DOCK2: variants seen among roughly 807,000 people sequenced by gnomAD.
DOCK2 encodes the protein dedicator of cytokinesis 2.
A neutral mutation model predicts 248.9 loss-of-function variants in DOCK2; 87 were observed. The observed-to-expected ratio is 0.35, with a 90% CI of 0.29 to 0.42. DOCK2 has a LOEUF of 0.42. Ranked by LOEUF, DOCK2 falls within the 10% of genes least tolerant of loss-of-function variation. The pLI, the probability that DOCK2 is intolerant of heterozygous loss-of-function variation, is 1.00. For synonymous variants in DOCK2, 805 were observed against 821.6 expected (o/e 0.98, Z 0.35); for missense variants, 1,747 against 2,300.2 (o/e 0.76, Z 4.92).
intron 27 of DOCK2, among the ~76,000 whole-genome samples, chr5:169,850,042 G>A (rs1326173238): frequency 6.6e-6 from 1 of 152,190 alleles, no homozygotes; most frequent in African/African-American, 2.4e-5. Flanking sequence ...ATTAGATGCC[G>A]AGAGTAAGGG....
At chr5:169,865,790 T>C (rs905904123) in intron 27 of DOCK2, among the ~76,000 whole-genome samples, 1 of 152,168 alleles carries the variant, frequency 6.6e-6, no homozygotes, top group Non-Finnish European at 1.5e-5. Context: ...AGACCCCATG[T>C]TGGTTTATGA....
chr5:170,057,535 T>G, intron 43 of DOCK2, 45 bp from the exon 44 acceptor site: 2 of 1,561,484 alleles, frequency 1.3e-6, no homozygotes, highest in African/African-American at 1.4e-5. Flanking sequence ...TTCATAAATG[T>G]GTTTGTTGCT....
chr5:169,696,852 C>T (rs922129009), intron 10 of DOCK2, among the ~76,000 whole-genome samples: 2 of 150,732 alleles, frequency 1.3e-5, no homozygotes, highest in Non-Finnish European at 2.9e-5. Flanking sequence ...CCTGGCACTG[C>T]GGCTAGCTAG....
chr5:169,906,294 TG>T (rs967394696), intron 27 of DOCK2, among the ~76,000 whole-genome samples: 1 of 152,146 alleles, frequency 6.6e-6, no homozygotes, highest in African/African-American at 2.4e-5. Context: ...ATCATAGTAC[TG>T]ACTACTGATT....
chr5:169,997,100 A>C (rs1490921669), intron 30 of DOCK2, among the ~76,000 whole-genome samples: 1 of 151,418 alleles, frequency 6.6e-6, no homozygotes, highest in Non-Finnish European at 1.5e-5. Context: ...GGGTCACAAG[A>C]CAATTGTGGG....
At chr5:169,814,095 A>T (rs1767917632) in intron 26 of DOCK2, among the ~76,000 whole-genome samples, 1 of 152,240 alleles carries the variant, frequency 6.6e-6, no homozygotes, top group African/African-American at 2.4e-5. Context: ...GGATATTTGC[A>T]TAATCTCAAA....
At chr5:169,722,833 T>C (rs540478890) in intron 22 of DOCK2, among the ~76,000 whole-genome samples, 8 of 152,226 alleles carry the variant, frequency 5.3e-5, no homozygotes, top group South Asian at 4.1e-4. Context: ...AAATTTGACT[T>C]ACTACTCATA....
intron 30 of DOCK2, chr5:169,999,934 A>G (rs1223013522): frequency 1.3e-5 from 2 of 152,184 alleles, no homozygotes; most frequent in African/African-American, 4.8e-5. Context: ...AAGGGCAGAA[A>G]GTAAGAAGCT....
intron 27 of DOCK2, among the ~76,000 whole-genome samples, chr5:169,932,524 T>A (rs1031245214): frequency 2.0e-5 from 3 of 152,186 alleles, no homozygotes; most frequent in African/African-American, 7.2e-5. Flanking sequence ...TCAGGAACAA[T>A]CTGCATGCCT....
chr5:169,778,497 C>T (rs1765508984), intron 25 of DOCK2, among the ~76,000 whole-genome samples: 1 of 152,168 alleles, frequency 6.6e-6, no homozygotes, highest in East Asian at 1.9e-4. Context: ...AAATTGTAGG[C>T]ACAAAAGTCA....
At chr5:169,648,957 G>A (rs996517618) in intron 1 of DOCK2, among the ~76,000 whole-genome samples, 2 of 152,210 alleles carry the variant, frequency 1.3e-5, no homozygotes, top group Admixed American at 1.3e-4. Context: ...GGCTGCCAGA[G>A]GCTTCTGCTG....
At chr5:169,709,652 C>T (rs1761469285) in intron 15 of DOCK2, among the ~76,000 whole-genome samples, 2 of 152,000 alleles carry the variant, frequency 1.3e-5, no homozygotes, top group African/African-American at 4.8e-5. Flanking sequence ...ACCTGGGAGG[C>T]GGAGGTTGCA....
rs775851597 is a variant in DOCK2, at chr5:169,759,763, C to A, written c.2435C>A (p.Ala812Glu). Residue 812 changes from alanine to glutamate, a missense_variant, in exon 24 of 52, where the codon GCG (alanine) becomes GAG (glutamate). By Grantham distance (107) the Ala-to-Glu change is moderately radical (BLOSUM62 -1). This residue lies in a region of DOCK2 where 858 missense variants were observed against 1,183.5 expected (regional missense o/e 0.72). Transcript: ENST00000520908. ...CATGATGTAGAAATGGTCTTTGATG[C>A]GAAGTTACTCAGGTGAGAGCTCATG... is the stretch of plus-strand genomic sequence containing the variant. ...VLHDVEMVFD[A>E]KLLSQLLYEF... 6.2e-7 allele frequency: 1 copy of A among 1,613,862 alleles called. No homozygotes were observed. Among genetic ancestry groups the A allele is most frequent in the Non-Finnish European group, 8.5e-7 (1 of 1,179,838 alleles).
At chr5:169,797,057 G>A (rs781060004) in intron 25 of DOCK2, among the ~76,000 whole-genome samples, 5 of 152,218 alleles carry the variant, frequency 3.3e-5, no homozygotes, top group Non-Finnish European at 5.9e-5. Flanking sequence ...CACAGAACAT[G>A]AAGGAAGTTG....
rs143288655 is a variant in DOCK2 at position 169,699,388 on chromosome 5, A to T, written c.1062A>T (p.Thr354=). The T allele has an allele frequency of 6.2e-7, 1 of 1,613,316 alleles. No homozygotes were observed. The highest frequency in any genetic ancestry group is 8.5e-7 in the Non-Finnish European group (1 of 1,179,564). ...KQHFIPFHPV[T]AENDFLHSLL... ...GCTCTCTTTTCCTTTCCAGGGTTAC[A>T]GCTGAGAATGACTTCCTACACAGCC... The change falls in exon 12 of 52, where the codon ACA becomes ACT. Residue 354 remains threonine, a synonymous_variant. Transcript: ENST00000520908.
In DOCK2 at chr5:169,883,612, G is replaced by T. The variant is rs758663090; in HGVS notation, c.2799+42760G>T. On this transcript the variant is annotated intron_variant, in intron 27 of 51. Transcript: ENST00000520908. ...CCTGAGACTGGGGGAAGTTTGGATT[G>T]CAATGTTGCGAAAGCCCCCTGCCTT... 8 of 1,551,476 alleles carry T rather than the reference G, an allele frequency of 5.2e-6. No homozygotes were observed. The highest frequency in any genetic ancestry group is 1.4e-5 in the African/African-American group (1 of 73,018).
intron 22 of DOCK2, among the ~76,000 whole-genome samples, chr5:169,742,720 C>G (rs374748677): frequency 1.3e-5 from 2 of 152,152 alleles, no homozygotes; most frequent in Non-Finnish European, 2.9e-5. Flanking sequence ...TATGTACCTG[C>G]GTGAAAGAGG....
chr5:169,719,657 G>T (rs968102994), intron 22 of DOCK2, among the ~76,000 whole-genome samples: 12 of 152,156 alleles, frequency 7.9e-5, no homozygotes. Flanking sequence ...TTTGTTGATT[G>T]TCTTATAAGG....
At chr5:170,074,868 T>C (rs1206301067) in intron 46 of DOCK2, among the ~76,000 whole-genome samples, 1 of 152,194 alleles carries the variant, frequency 6.6e-6, no homozygotes, top group Non-Finnish European at 1.5e-5. Flanking sequence ...CTCACCCGCC[T>C]TCTCTGTAGT....
Sources: allele counts gnomAD v4.1 joint callset (sites outside exome capture counted in the v4.1 genomes callset), GRCh38; gene constraint gnomAD v4.1.1; regional missense constraint gnomAD v4.1.1; transcripts MANE v1.5; gene names NCBI Gene and HGNC (gene_info 2026-07-23, HGNC 2026-07-21).